The following LASP1 variants were observed in gnomAD, a reference collection of about 807,000 sequenced individuals.
LASP1 encodes the protein LIM and SH3 protein 1.
A neutral mutation model predicts 38.6 loss-of-function variants in LASP1; 10 were observed. The ratio of observed to expected loss-of-function variants is 0.26; its 90% confidence interval spans 0.16 to 0.44. The LOEUF (loss-of-function observed/expected upper bound fraction) is 0.44, where lower values mean the gene tolerates loss of function less well. Among genes scored for constraint, LASP1 ranks in the 20% least tolerant of loss-of-function variants. The probability of loss-of-function intolerance (pLI) is 1.00; values close to 1 mark genes in which losing one functional copy is unlikely to be tolerated. For missense variants in LASP1, 243 were observed against 375.7 expected (o/e 0.65, Z 2.92); for synonymous variants, 132 against 140.8 (o/e 0.94, Z 0.44).
In LASP1 at chr17:38,889,755, G is replaced by C. The variant is rs117839498; in HGVS notation, c.165-665G>C. On this transcript the variant is annotated intron_variant, in intron 2 of 6. Transcript: ENST00000318008. Reference sequence around the variant, plus strand: ...CAAAATCTGAAACACGTCTGGTCCTGAGCATTTCCAATAAGGGATACTCAA... The same window carrying C: ...CAAAATCTGAAACACGTCTGGTCCTCAGCATTTCCAATAAGGGATACTCAA... Among the ~76,000 whole-genome samples, 202 of 152,296 alleles carry C rather than the reference G, an allele frequency of 1.3e-3. 5 individuals carry two copies. Among genetic ancestry groups the C allele is most frequent in the East Asian group, 0.011 (57 of 5,182 alleles).
At chr17:38,881,608 G>C (rs1304059725) in intron 2 of LASP1, among the ~76,000 whole-genome samples, 2 of 152,168 alleles carry the variant, frequency 1.3e-5, no homozygotes, top group African/African-American at 4.8e-5. Flanking sequence ...TGCCATTTCT[G>C]TTCTGGTCTT....
chr17:38,910,042 C>T (rs933185304), intron 4 of LASP1, among the ~76,000 whole-genome samples: 1 of 152,216 alleles, frequency 6.6e-6, no homozygotes, highest in Admixed American at 6.5e-5. Flanking sequence ...GCCACCGCAC[C>T]TGGCCATCTC....
intron 3 of LASP1, among the ~76,000 whole-genome samples, chr17:38,895,154 G>T (rs981893906): frequency 6.6e-6 from 1 of 151,150 alleles, no homozygotes; most frequent in African/African-American, 2.4e-5. Flanking sequence ...AATAAATTTT[G>T]TATTTTTTTA....
At chr17:38,873,102 T>A (rs1170646712) in intron 1 of LASP1, among the ~76,000 whole-genome samples, 1 of 152,146 alleles carries the variant, frequency 6.6e-6, no homozygotes, top group African/African-American at 2.4e-5. Context: ...CCTCGCCACG[T>A]CCCTCTTTCC....
chr17:38,911,284 G>A (rs760870526), intron 4 of LASP1, among the ~76,000 whole-genome samples: 7 of 152,174 alleles, frequency 4.6e-5, no homozygotes, highest in Admixed American at 4.6e-4. Flanking sequence ...ATGAGGTGCC[G>A]AGATGGACCT....
intron 4 of LASP1, among the ~76,000 whole-genome samples, chr17:38,902,796 G>A (rs965914617): frequency 2.0e-5 from 3 of 152,128 alleles, no homozygotes; most frequent in African/African-American, 4.8e-5. Context: ...TCTGCCTCCC[G>A]GGTTGAAGCG....
intron 2 of LASP1, among the ~76,000 whole-genome samples, chr17:38,883,126 A>G (rs1042009331): frequency 6.6e-6 from 1 of 152,052 alleles, no homozygotes; most frequent in Non-Finnish European, 1.5e-5. Flanking sequence ...GGTTGGGTGC[A>G]GTGGTTTATG....
intron 1 of LASP1, among the ~76,000 whole-genome samples, chr17:38,875,341 G>A (rs1913738417): frequency 6.6e-6 from 1 of 151,910 alleles, no homozygotes; most frequent in Admixed American, 6.6e-5. Flanking sequence ...TGTCCCTGGT[G>A]GGTTCTGTGT....
At chr17:38,912,091 G>A (rs1914968314) in intron 4 of LASP1, among the ~76,000 whole-genome samples, 1 of 152,228 alleles carries the variant, frequency 6.6e-6, no homozygotes, top group African/African-American at 2.4e-5. Context: ...ACCGTGCTCG[G>A]CCTCACCACC....
chr17:38,877,430 G>C (rs1391611618), intron 1 of LASP1, among the ~76,000 whole-genome samples: 1 of 152,182 alleles, frequency 6.6e-6, no homozygotes, highest in African/African-American at 2.4e-5. Flanking sequence ...CCTGGGGTGG[G>C]AGAGGATGAG....
intron 4 of LASP1, among the ~76,000 whole-genome samples, chr17:38,899,804 G>C (rs1259562769): frequency 6.7e-6 from 1 of 149,870 alleles, no homozygotes; most frequent in Non-Finnish European, 1.5e-5. Flanking sequence ...GAGTGCAGTG[G>C]TGCTCCGCCT....
intron 2 of LASP1, among the ~76,000 whole-genome samples, chr17:38,879,186 G>C (rs1373258630): frequency 8.3e-6 from 1 of 120,548 alleles, no homozygotes; most frequent in Admixed American, 1.0e-4. Flanking sequence ...TTGAGTCAGA[G>C]GACTCATCAC....
chr17:38,880,263 C>T (rs1913904494), intron 2 of LASP1, among the ~76,000 whole-genome samples: 1 of 152,218 alleles, frequency 6.6e-6, no homozygotes, highest in Non-Finnish European at 1.5e-5. Flanking sequence ...GCACTGGGAG[C>T]TGGAGAAAAA....
chr17:38,891,393 C>T (rs1389217895), intron 3 of LASP1, among the ~76,000 whole-genome samples: 1 of 152,108 alleles, frequency 6.6e-6, no homozygotes, highest in Non-Finnish European at 1.5e-5. Context: ...CTTGATGTGA[C>T]TGCCCGGGTC....
intron 4 of LASP1, among the ~76,000 whole-genome samples, chr17:38,901,889 G>T (rs1404821204): frequency 6.6e-6 from 1 of 151,686 alleles, no homozygotes; most frequent in Non-Finnish European, 1.5e-5. Context: ...CCTCAGCCTC[G>T]TGAGTAGCTG....
rs1915195385 is a variant in LASP1 at position 38,918,394 on chromosome 17, C to T, written c.613-211C>T. Among the ~76,000 whole-genome samples, 1 of 152,114 alleles carries T rather than the reference C, an allele frequency of 6.6e-6. No individual in the cohort carries two copies. The stretch of plus-strand genomic sequence containing the variant: ...ACCCGGTCCCTGCTCTGCCTCTGGC[C>T]CTTAGTAGCTGCCAAAGGTTGTAAA... On this transcript the variant is annotated intron_variant, in intron 6 of 6. Transcript: ENST00000318008. The surrounding 1 kb of genome is among the most constrained non-coding windows in gnomAD (Gnocchi z 4.4).
At chr17:38,917,883 C>T (rs2143836534) in intron 6 of LASP1, among the ~76,000 whole-genome samples, 1 of 151,930 alleles carries the variant, frequency 6.6e-6, no homozygotes, top group South Asian at 2.1e-4. Context: ...GAGATGGGCT[C>T]ACGCTAGTAC....
At chr17:38,913,362 A>G (rs933793821) in intron 4 of LASP1, among the ~76,000 whole-genome samples, 2 of 152,152 alleles carry the variant, frequency 1.3e-5, no homozygotes, top group Admixed American at 6.5e-5. Context: ...AGGGTCTGGC[A>G]GTTTTTATCC....
At position 38,918,612 on chromosome 17, in the gene LASP1, A is replaced by G. The variant is rs1915202955; in HGVS notation, c.620A>G (p.Tyr207Cys). The G allele has an allele frequency of 6.3e-7, 1 of 1,596,114 alleles. No individual in the cohort carries two copies. The highest frequency in any genetic ancestry group is 8.6e-7 in the Non-Finnish European group (1 of 1,167,062). ...RSAPGGGGKRYRAVYDYSAAD... is the reference protein window; with the variant it reads ...RSAPGGGGKRCRAVYDYSAAD... ...ACCACACTTCCCCCACAGAAGCGGT[A>G]CCGCGCGGTGTATGACTACAGCGCC... Residue 207 changes from tyrosine to cysteine, a missense_variant, in exon 7 of 7, where the codon TAC becomes TGC. Physicochemically the swap from Tyr to Cys is radical, Grantham distance 194. Coordinates refer to ENST00000318008, the MANE Select transcript of LASP1 (RefSeq NM_006148.4). This position sits in a 1 kb window ranked among gnomAD's most constrained non-coding sequence, Gnocchi z 4.4.
Sources: gnomAD v4.1 joint callset for allele counts (sites outside exome capture counted in the v4.1 genomes callset) on GRCh38, gnomAD v4.1.1 for gene constraint, Gnocchi (gnomAD v3.1) non-coding constraint, MANE v1.5 for transcripts, NCBI Gene and HGNC (gene_info 2026-07-23, HGNC 2026-07-21) for gene names.